Variants in FRMD5 observed in about 807,000 individuals in gnomAD.
FRMD5 encodes the protein FERM domain-containing protein 5.
In FRMD5, 20 loss-of-function variants were observed where a neutral mutation model predicts 69.0. The ratio of observed to expected loss-of-function variants is 0.29; its 90% CI spans 0.20 to 0.42. The LOEUF is 0.42. FRMD5 is among the 10% of genes least tolerant of loss of function. FRMD5 has a pLI of 1.00. For missense variants in FRMD5, 595 were observed against 708.6 expected, an observed-to-expected ratio of 0.84 and a Z score of 1.82; for synonymous variants, 271 against 260.1, an observed-to-expected ratio of 1.04 and a Z score of -0.40.
chr15:44,141,706 A>G (rs1011786605), intron 1 of FRMD5, among the ~76,000 whole-genome samples: 1 of 152,176 alleles, frequency 6.6e-6, no homozygotes, highest in Non-Finnish European at 1.5e-5. Flanking sequence ...CCCAGAACTG[A>G]ATTCTCCTTG....
chr15:43,908,727 T>C (rs957455227), intron 5 of FRMD5, among the ~76,000 whole-genome samples: 4 of 152,278 alleles, frequency 2.6e-5, no homozygotes, highest in Admixed American at 6.5e-5. Context: ...GAAGAGTGCA[T>C]ATCTCTCCCA....
chr15:44,021,457 C>G (rs1891205822), intron 1 of FRMD5, among the ~76,000 whole-genome samples: 1 of 151,948 alleles, frequency 6.6e-6, no homozygotes, highest in Admixed American at 6.6e-5. Context: ...CTCAATAACC[C>G]AAAAGGCCAA....
intron 1 of FRMD5, among the ~76,000 whole-genome samples, chr15:43,927,024 G>A (rs558690827): frequency 1.4e-4 from 21 of 151,576 alleles, no homozygotes; most frequent in Admixed American, 2.0e-4. Flanking sequence ...GAATTTTCTT[G>A]AATATTCCAC....
chr15:44,038,903 C>T (rs984651383), intron 1 of FRMD5, among the ~76,000 whole-genome samples: 7 of 152,170 alleles, frequency 4.6e-5, no homozygotes, highest in Non-Finnish European at 8.8e-5. Flanking sequence ...GCAGGTCCCA[C>T]CCCCATAGAG....
chr15:43,926,144 T>C (rs1021012964), intron 1 of FRMD5, among the ~76,000 whole-genome samples: 1 of 152,198 alleles, frequency 6.6e-6, no homozygotes, highest in Non-Finnish European at 1.5e-5. Flanking sequence ...TTTCACAAAA[T>C]GGTGAAAAGC....
chr15:43,879,953 A>T, intron 13 of FRMD5: 1 of 266,484 alleles, frequency 3.8e-6, no homozygotes, highest in Non-Finnish European at 7.0e-6. Flanking sequence ...ACTTAGAGCC[A>T]TAAAAAGTAA....
At chr15:44,085,915 T>C (rs1894179233) in intron 1 of FRMD5, among the ~76,000 whole-genome samples, 1 of 152,074 alleles carries the variant, frequency 6.6e-6, no homozygotes, top group Non-Finnish European at 1.5e-5. Flanking sequence ...AGACATTAAA[T>C]AATTTGCCCA....
intron 1 of FRMD5, among the ~76,000 whole-genome samples, chr15:43,968,997 ACTGATTATAT>A (rs2140568614): frequency 6.6e-6 from 1 of 152,260 alleles, no homozygotes; most frequent in Non-Finnish European, 1.5e-5. Flanking sequence ...GTGAATGTAG[ACTGATTATAT>A]CTAGAGGCCT....
chr15:44,171,152 T>C (rs2077795744), intron 1 of FRMD5, among the ~76,000 whole-genome samples: 1 of 152,232 alleles, frequency 6.6e-6, no homozygotes. Flanking sequence ...CTACTTTTCT[T>C]AAAGTATGTG....
At chr15:43,968,360 G>A (rs1180494872) in intron 1 of FRMD5, among the ~76,000 whole-genome samples, 1 of 152,192 alleles carries the variant, frequency 6.6e-6, no homozygotes, top group African/African-American at 2.4e-5. Context: ...TTGAAAAGCT[G>A]AGGTAGATGT....
At chr15:43,900,763 A>G (rs1026946805) in intron 7 of FRMD5, among the ~76,000 whole-genome samples, 1 of 151,844 alleles carries the variant, frequency 6.6e-6, no homozygotes, top group East Asian at 1.9e-4. Flanking sequence ...GATTACAGTC[A>G]TGTGTCACCA....
intron 1 of FRMD5, among the ~76,000 whole-genome samples, chr15:44,139,291 C>T (rs1758694584): frequency 1.4e-5 from 2 of 142,472 alleles, no homozygotes; most frequent in South Asian, 4.3e-4. Context: ...ATAGCTCCCC[C>T]TCTCTCTACA....
intron 1 of FRMD5, 135 bp downstream of exon 1, chr15:44,194,818 C>T: frequency 1.2e-6 from 1 of 820,526 alleles, no homozygotes; most frequent in Non-Finnish European, 2.0e-6. Context: ...TAGGGCGGTC[C>T]GCCGCAACCA....
At chr15:44,158,770 T>C (rs909797216) in intron 1 of FRMD5, among the ~76,000 whole-genome samples, 1 of 152,228 alleles carries the variant, frequency 6.6e-6, no homozygotes, top group South Asian at 2.1e-4. Context: ...CTAATTTGCA[T>C]AGCTGATAGG....
chr15:44,135,679 G>T (rs1324627191), intron 1 of FRMD5, among the ~76,000 whole-genome samples: 1 of 151,914 alleles, frequency 6.6e-6, no homozygotes, highest in Non-Finnish European at 1.5e-5. Flanking sequence ...ACAAAAATTA[G>T]CCAGGCGTGG....
At chr15:44,081,089 G>C (rs937285400) in intron 1 of FRMD5, among the ~76,000 whole-genome samples, 5 of 152,000 alleles carry the variant, frequency 3.3e-5, no homozygotes, top group African/African-American at 9.7e-5. Flanking sequence ...AATAAGGCAG[G>C]AGGTCAAGGA....
chr15:44,016,204 T>C (rs879366285), intron 1 of FRMD5, among the ~76,000 whole-genome samples: 1 of 152,172 alleles, frequency 6.6e-6, no homozygotes, highest in Non-Finnish European at 1.5e-5. Flanking sequence ...GTGGCAGATC[T>C]GGTCAGAAAA....
intron 1 of FRMD5, among the ~76,000 whole-genome samples, chr15:43,973,883 G>T (rs2929281): frequency 0.098 from 14,649 of 150,046 alleles, 1,256 homozygotes; most frequent in African/African-American, 0.23. Flanking sequence ...ACTAAGTCAG[G>T]CCTCCTCAAT....
intron 1 of FRMD5, among the ~76,000 whole-genome samples, chr15:44,045,715 G>A (rs1892398003): frequency 6.6e-6 from 1 of 152,156 alleles, no homozygotes; most frequent in Admixed American, 6.5e-5. Flanking sequence ...CAGAGTGTAA[G>A]GAAGGGGCAG....
Sources: gnomAD v4.1 joint callset for allele counts (sites outside exome capture counted in the v4.1 genomes callset) on GRCh38, gnomAD v4.1.1 for gene constraint, MANE v1.5 for transcripts, NCBI Gene and HGNC (gene_info 2026-07-23, HGNC 2026-07-21) for gene names.